SH3BP4: variants seen among roughly 807,000 people sequenced by gnomAD.
SH3BP4 encodes SH3 domain-binding protein 4.
A neutral mutation model predicts 65.5 loss-of-function variants in SH3BP4; 33 were observed. That is an observed-to-expected ratio of 0.50 (90% CI 0.38 to 0.67). The LOEUF is 0.67. Among genes scored for constraint, SH3BP4 ranks in the 30% least tolerant of loss-of-function variants. The pLI is 0.00. For synonymous variants in SH3BP4, 552 were observed against 545.5 expected (o/e 1.01, Z -0.17); for missense variants, 1,134 against 1,261.4 (o/e 0.90, Z 1.53).
chr2:234,996,128 G>A (rs925955324), intron 2 of SH3BP4: 5 of 152,174 alleles, frequency 3.3e-5, no homozygotes, highest in African/African-American at 1.2e-4. Context: ...TTTTAGAAAA[G>A]CAACATACAA....
chr2:235,022,087 T>A (rs1694860423), intron 2 of SH3BP4, among the ~76,000 whole-genome samples: 1 of 152,140 alleles, frequency 6.6e-6, no homozygotes, highest in Non-Finnish European at 1.5e-5. Flanking sequence ...CAAGGGGAAA[T>A]GACAAAGGAA....
In SH3BP4 at chr2:235,041,663, C is replaced by T. The variant is rs1172007496; in HGVS notation, c.894C>T (p.His298=). The T allele has an allele frequency of 9.3e-6, 15 of 1,613,654 alleles. No homozygotes were observed. Among genetic ancestry groups the T allele is most frequent in the East Asian group, 4.5e-5 (2 of 44,884 alleles). The part of the protein sequence containing the change: ...LNHRKLARSC[H]DLDLLGQSPG... ...ACAGGAAGCTGGCCCGGTCTTGCCACGACCTGGACTTGCTTGGCCAAAGCC... is the reference window on the plus strand; with the variant it reads ...ACAGGAAGCTGGCCCGGTCTTGCCATGACCTGGACTTGCTTGGCCAAAGCC... The change falls in exon 4 of 6, where the codon CAC becomes CAT. Residue 298 remains histidine (H), a synonymous_variant. Coordinates refer to ENST00000392011, the MANE Select transcript of SH3BP4 (RefSeq NM_014521.3). The surrounding 1 kb of genome is among the most constrained non-coding windows in gnomAD (Gnocchi z 6.0).
rs527479506 is a variant in SH3BP4 at position 235,026,918 on chromosome 2, G to A, written c.-132-7953G>A. On this transcript the variant is annotated intron_variant, in intron 2 of 5. Coordinates refer to ENST00000392011, the MANE Select transcript of SH3BP4 (RefSeq NM_014521.3). This position sits in a 1 kb window ranked among gnomAD's most constrained non-coding sequence, Gnocchi z 4.6. Reference sequence around the variant, plus strand: ...TCCCCCAGGAAGAGGCAGCCCGCCCGAGCCCCAGGCAGCATGTTCCTCCTG... The same window carrying A: ...TCCCCCAGGAAGAGGCAGCCCGCCCAAGCCCCAGGCAGCATGTTCCTCCTG... Among the ~76,000 whole-genome samples, 6 of 152,306 alleles carry A rather than the reference G, an allele frequency of 3.9e-5. No homozygotes were observed. The highest frequency in any genetic ancestry group is 3.9e-4 in the East Asian group (2 of 5,176).
At chr2:235,027,778 G>A (rs572211689) in intron 2 of SH3BP4, among the ~76,000 whole-genome samples, 1 of 152,310 alleles carries the variant, frequency 6.6e-6, no homozygotes, top group East Asian at 1.9e-4. Context: ...CAGGAGAACG[G>A]AGGAGAACGT....
chr2:234,996,477 C>T (rs1470477405), intron 2 of SH3BP4, among the ~76,000 whole-genome samples: 1 of 152,154 alleles, frequency 6.6e-6, no homozygotes, highest in Admixed American at 6.5e-5. Context: ...TTCATAGTGA[C>T]GTGAGGAATT....
intron 1 of SH3BP4, among the ~76,000 whole-genome samples, chr2:234,984,055 G>C (rs1342535328): frequency 6.6e-6 from 1 of 152,216 alleles, no homozygotes; most frequent in East Asian, 1.9e-4. Context: ...CTGAGGTTGG[G>C]GCTGGGCTTC....
rs138595968 is a variant in SH3BP4 at position 235,020,541 on chromosome 2, A to G, written c.-132-14330A>G. ...AATAAGTGACTTCTCTTTTGCAGCA[A>G]TAATCTCCTGAAAATATAATCGGAA... On this transcript the variant is annotated intron_variant, in intron 2 of 5. Coordinates refer to ENST00000392011, the MANE Select transcript of SH3BP4 (RefSeq NM_014521.3). Among the ~76,000 whole-genome samples, 939 of 152,302 alleles carry G rather than the reference A, an allele frequency of 6.2e-3. 11 individuals are homozygous for G. The highest frequency in any genetic ancestry group is 0.021 in the African/African-American group (885 of 41,568).
rs1695288354 is a variant in SH3BP4 at position 235,034,055 on chromosome 2, G to A, written c.-132-816G>A. Among the ~76,000 whole-genome samples the A allele has an allele frequency of 6.6e-6, 1 of 152,084 alleles. No individual in the cohort carries two copies. The highest frequency in any genetic ancestry group is 2.4e-5 in the African/African-American group (1 of 41,408). On this transcript the variant is annotated intron_variant, in intron 2 of 5. Transcript: ENST00000392011. This position sits in a 1 kb window ranked among gnomAD's most constrained non-coding sequence, Gnocchi z 6.2. ...ACTGCTTTGAAATCGGCTCGCTGCT[G>A]TTCCTGTCCCTTCTCCCTGGACCCT...
intron 1 of SH3BP4, among the ~76,000 whole-genome samples, chr2:234,992,523 G>A (rs1402486248): frequency 2.6e-5 from 4 of 152,032 alleles, no homozygotes; most frequent in Non-Finnish European, 5.9e-5. Flanking sequence ...CTGCTGTGTG[G>A]CTCTAGGTCT....
intron 1 of SH3BP4, among the ~76,000 whole-genome samples, chr2:234,966,802 G>A (rs1488544668): frequency 1.3e-5 from 2 of 152,194 alleles, no homozygotes; most frequent in African/African-American, 4.8e-5. Flanking sequence ...GCGGCAAATG[G>A]ACCTGGTGTC....
chr2:234,996,998 G>A (rs1334099255), intron 2 of SH3BP4, among the ~76,000 whole-genome samples: 2 of 152,160 alleles, frequency 1.3e-5, no homozygotes, highest in Admixed American at 6.5e-5. Flanking sequence ...GGAACGGGAG[G>A]GTGGGACGGG....
At chr2:234,979,793 T>C (rs997360664) in intron 1 of SH3BP4, 5 of 150,716 alleles carry the variant, frequency 3.3e-5, no homozygotes, top group African/African-American at 1.2e-4. Flanking sequence ...AGTAACTGGA[T>C]GCTACAACAA....
Position 235,052,306 on chromosome 2 carries a change from G to A in SH3BP4, c.2479-256G>A, listed in dbSNP as rs567212789. On this transcript the variant is annotated intron_variant, in intron 4 of 5. Transcript: ENST00000392011. This position sits in a 1 kb window ranked among gnomAD's most constrained non-coding sequence, Gnocchi z 5.0. ...CTGCAAAGACCCCATTTTCAAGTAA[G>A]GTCACGTTCTGAGGTTCTGGGTGGA... Among the ~76,000 whole-genome samples the A allele has an allele frequency of 5.3e-5, 8 of 152,226 alleles. No homozygotes were observed. In the East Asian group the frequency reaches 1.5e-3, roughly 29 times the overall value.
chr2:234,955,830 A>G (rs182867059), intron 1 of SH3BP4, among the ~76,000 whole-genome samples: 59 of 152,320 alleles, frequency 3.9e-4, no homozygotes, highest in African/African-American at 1.3e-3. Flanking sequence ...AATCCTCACG[A>G]AAACTACCAG....
chr2:235,051,493 T>C (rs1185611960), intron 4 of SH3BP4, among the ~76,000 whole-genome samples: 1 of 152,224 alleles, frequency 6.6e-6, no homozygotes, highest in African/African-American at 2.4e-5. Flanking sequence ...CCAGCAGGGC[T>C]GTCTGTCCTA....
rs866517126 is a variant in SH3BP4, at chr2:234,952,256, C to G, written c.-207+86C>G. 2 of 150,572 alleles carry G rather than the reference C, an allele frequency of 1.3e-5. No individual in the cohort carries two copies. The highest frequency in any genetic ancestry group is 1.5e-5 in the Non-Finnish European group (1 of 67,248). 9.3% of individuals were successfully genotyped at this position (150,572 alleles called of 1,614,324 possible). ...CGGGGTCGTGCTCGGGGGCTTTGCACTCCCTTGCGGGCGCAGATCGTGCCG... is the reference window on the plus strand; with the variant it reads ...CGGGGTCGTGCTCGGGGGCTTTGCAGTCCCTTGCGGGCGCAGATCGTGCCG... On this transcript the variant is annotated intron_variant, in intron 1 of 5. Coordinates refer to ENST00000392011, the MANE Select transcript of SH3BP4 (RefSeq NM_014521.3). The surrounding 1 kb of genome is among the most constrained non-coding windows in gnomAD (Gnocchi z 6.5).
At chr2:235,006,759 AC>A (rs1694309802) in intron 2 of SH3BP4, among the ~76,000 whole-genome samples, 1 of 151,864 alleles carries the variant, frequency 6.6e-6, no homozygotes, top group Non-Finnish European at 1.5e-5. Context: ...GGCTGCCAAG[AC>A]CCTCCAGCTC....
rs573613713 is a variant in SH3BP4, at chr2:235,018,208, G to A, written c.-132-16663G>A. On this transcript the variant is annotated intron_variant, in intron 2 of 5. Transcript: ENST00000392011. The stretch of plus-strand genomic sequence containing the variant: ...TCCATGTAACTTGTATCAGACCATG[G>A]CCCTGAGTTCATTCTACAGAGTCTG... Among the ~76,000 whole-genome samples the A allele has an allele frequency of 2.0e-5, 3 of 152,272 alleles. 1 individual carries two copies. The South Asian group carries it at 6.2e-4, about 32-fold the overall frequency.
At chr2:235,043,977 G>C (rs535221824) in intron 4 of SH3BP4, among the ~76,000 whole-genome samples, 1 of 152,244 alleles carries the variant, frequency 6.6e-6, no homozygotes, top group African/African-American at 2.4e-5. Flanking sequence ...TGGACCAGAT[G>C]CGGGTGGGGG....
Sources: allele counts gnomAD v4.1 joint callset (sites outside exome capture counted in the v4.1 genomes callset), GRCh38; gene constraint gnomAD v4.1.1; non-coding constraint Gnocchi (gnomAD v3.1); transcripts MANE v1.5; gene names NCBI Gene and HGNC (gene_info 2026-07-23, HGNC 2026-07-21).